TRMT11: variants seen among roughly 807,000 people sequenced by gnomAD.
TRMT11 encodes the protein tRNA methyltransferase 11.
TRMT11 carries 53 observed loss-of-function variants against 62.8 expected under a neutral mutation model. That is an observed-to-expected ratio of 0.84 (90% CI 0.68 to 1.06). The LOEUF (loss-of-function observed/expected upper bound fraction) is 1.06. Among genes scored for constraint, TRMT11 ranks in the 50% least tolerant of loss-of-function variants. The probability of loss-of-function intolerance (pLI) is 0.00; values close to 1 mark genes in which losing one functional copy is unlikely to be tolerated. For synonymous variants in TRMT11, 188 were observed against 190.3 expected (o/e 0.99, Z 0.10); for missense variants, 556 against 553.4 (o/e 1.00, Z -0.05).
At chr6:126,194,706 T>C (rs1330055947) in intron 1 of TRMT11, among the ~76,000 whole-genome samples, 1 of 152,212 alleles carries the variant, frequency 6.6e-6, no homozygotes, top group Non-Finnish European at 1.5e-5. Flanking sequence ...CTTATTTGCT[T>C]TGTTTTCAAA....
chr6:126,222,914 G>T, the TRMT11 span, among the ~76,000 whole-genome samples: 3 of 151,424 alleles, frequency 2.0e-5, no homozygotes, highest in East Asian at 5.8e-4. Flanking sequence ...CTGCTTTATA[G>T]TGTCAATGGT....
At chr6:126,127,415 T>C (rs985047035) in intron 21 of TRMT11, among the ~76,000 whole-genome samples, 8 of 152,114 alleles carry the variant, frequency 5.3e-5, no homozygotes, top group Non-Finnish European at 1.0e-4. Flanking sequence ...GGTAGAAACC[T>C]CAGAAAGATA....
chr6:125,989,951 C>T (rs1462135317), intron 1 of TRMT11, among the ~76,000 whole-genome samples: 1 of 152,142 alleles, frequency 6.6e-6, no homozygotes, highest in African/African-American at 2.4e-5. Flanking sequence ...TTGATTTTTA[C>T]ATAGGAAGTA....
intron 11 of TRMT11, among the ~76,000 whole-genome samples, chr6:126,013,554 C>T (rs1185887375): frequency 6.6e-6 from 1 of 152,210 alleles, no homozygotes; most frequent in Non-Finnish European, 1.5e-5. Flanking sequence ...AGCCACTGTA[C>T]TCAGCCTCCT....
intron 21 of TRMT11, among the ~76,000 whole-genome samples, chr6:126,129,006 A>G (rs1777750974): frequency 6.6e-6 from 1 of 150,540 alleles, no homozygotes; most frequent in African/African-American, 2.5e-5. Flanking sequence ...GAGGAGCTAT[A>G]AAAGAGGTCA....
intron 21 of TRMT11, among the ~76,000 whole-genome samples, chr6:126,130,664 A>T (rs1485182337): frequency 1.3e-5 from 2 of 152,074 alleles, no homozygotes; most frequent in Non-Finnish European, 2.9e-5. Flanking sequence ...CAGAGTCATG[A>T]TTTAAAGCTT....
chr6:126,047,656 G>A (rs1776097255), intron 16 of TRMT11, among the ~76,000 whole-genome samples: 1 of 152,130 alleles, frequency 6.6e-6, no homozygotes, highest in Non-Finnish European at 1.5e-5. Context: ...TCCACAGACG[G>A]CAACTGCTAA....
downstream of TRMT11, among the ~76,000 whole-genome samples, chr6:126,203,130 G>T (rs191473671): frequency 6.6e-6 from 1 of 152,186 alleles, no homozygotes; most frequent in Admixed American, 6.5e-5. Flanking sequence ...ACCACTTTCT[G>T]TACCTGGGAG....
At chr6:126,036,904 C>T (rs1775295821) in intron 12 of TRMT11, among the ~76,000 whole-genome samples, 1 of 152,086 alleles carries the variant, frequency 6.6e-6, no homozygotes, top group African/African-American at 2.4e-5. Context: ...CCTGTGGAGT[C>T]ATCTGTTCTT....
At chr6:126,017,697 T>G (rs1443276859) in intron 11 of TRMT11, among the ~76,000 whole-genome samples, 1 of 152,356 alleles carries the variant, frequency 6.6e-6, no homozygotes, top group East Asian at 1.9e-4. Flanking sequence ...CTCAGCAGAA[T>G]TAATCAGTCC....
intron 11 of TRMT11, among the ~76,000 whole-genome samples, chr6:126,018,278 T>C (rs1320908126): frequency 6.6e-6 from 1 of 152,166 alleles, no homozygotes; most frequent in African/African-American, 2.4e-5. Context: ...CATCTCTTAC[T>C]TAGGAAAGAG....
the TRMT11 span, among the ~76,000 whole-genome samples, chr6:126,236,857 T>C: frequency 2.6e-5 from 4 of 152,206 alleles, no homozygotes; most frequent in African/African-American, 7.2e-5. Flanking sequence ...ACTTTCCTAA[T>C]TGGTCTTAGG....
At chr6:126,267,458 T>C in the TRMT11 span, among the ~76,000 whole-genome samples, 1 of 152,218 alleles carries the variant, frequency 6.6e-6, no homozygotes, top group African/African-American at 2.4e-5. Flanking sequence ...CTTTGTACAC[T>C]GACAGGTGGA....
the TRMT11 span, among the ~76,000 whole-genome samples, chr6:126,212,600 A>G: frequency 6.6e-6 from 1 of 152,078 alleles, no homozygotes; most frequent in African/African-American, 2.4e-5. Context: ...GTCTGTTCAG[A>G]TATTTAGCCC....
chr6:126,213,682 A>G, the TRMT11 span, among the ~76,000 whole-genome samples: 1 of 151,990 alleles, frequency 6.6e-6, no homozygotes, highest in African/African-American at 2.4e-5. Flanking sequence ...TGCAGACCTT[A>G]TCATCTGCAA....
At chr6:126,238,933 C>G in the TRMT11 span, among the ~76,000 whole-genome samples, 4 of 152,140 alleles carry the variant, frequency 2.6e-5, no homozygotes, top group East Asian at 7.7e-4. Context: ...GTTAGTTCTT[C>G]TTGTTGAATT....
chr6:126,096,073 A>G (rs942237381), intron 17 of TRMT11, among the ~76,000 whole-genome samples: 4 of 152,098 alleles, frequency 2.6e-5, no homozygotes, highest in African/African-American at 9.7e-5. Context: ...ATGAAGAGCT[A>G]ATTTCATTTC....
intron 21 of TRMT11, among the ~76,000 whole-genome samples, chr6:126,116,400 GAAGT>G (rs758997388): frequency 3.3e-5 from 5 of 152,052 alleles, no homozygotes; most frequent in African/African-American, 7.2e-5. Context: ...AGATAAATGG[GAAGT>G]AAGTAATAGT....
intron 16 of TRMT11, among the ~76,000 whole-genome samples, chr6:126,045,681 A>G (rs571742214): frequency 1.3e-5 from 2 of 152,258 alleles, no homozygotes; most frequent in Admixed American, 1.3e-4. Flanking sequence ...CCACCCCACT[A>G]TAACAATTAG....
Sources: allele counts gnomAD v4.1 joint callset (sites outside exome capture counted in the v4.1 genomes callset), GRCh38; gene constraint gnomAD v4.1.1; transcripts MANE v1.5; gene names NCBI Gene and HGNC (gene_info 2026-07-23, HGNC 2026-07-21).